Variants in CHD6 observed in about 807,000 individuals in gnomAD.
The protein encoded by CHD6 is chromodomain helicase DNA binding protein 6.
Under a neutral mutation model 276.9 loss-of-function variants are expected in CHD6, and 50 were observed. The observed-to-expected ratio is 0.18, with a 90% CI of 0.14 to 0.23. The LOEUF (loss-of-function observed/expected upper bound fraction) is 0.23. Ranked by LOEUF, CHD6 falls within the 10% of genes least tolerant of loss-of-function variation. The pLI is 1.00. For missense variants in CHD6, 2,564 were observed against 3,365.8 expected (o/e 0.76, Z 5.89); for synonymous variants, 1,173 against 1,229.3 (o/e 0.95, Z 0.96).
At chr20:41,511,263 C>G (rs1174125677) in intron 5 of CHD6, among the ~76,000 whole-genome samples, 1 of 152,214 alleles carries the variant, frequency 6.6e-6, no homozygotes, top group East Asian at 1.9e-4. Flanking sequence ...CTGCTCCATA[C>G]AGTGTGAATT....
At chr20:41,547,233 C>T (rs1188127539) in intron 2 of CHD6, among the ~76,000 whole-genome samples, 4 of 152,170 alleles carry the variant, frequency 2.6e-5, no homozygotes, top group Non-Finnish European at 4.4e-5. Flanking sequence ...CACTGACAAA[C>T]TAAATACCAA....
At chr20:41,546,672 T>C (rs1199481608) in intron 2 of CHD6, among the ~76,000 whole-genome samples, 9 of 152,216 alleles carry the variant, frequency 5.9e-5, no homozygotes, top group African/African-American at 9.6e-5. Context: ...TAGTGCCACA[T>C]AGGTTTTCAA....
chr20:41,541,309 C>T (rs746092538), intron 2 of CHD6, among the ~76,000 whole-genome samples: 6 of 152,174 alleles, frequency 3.9e-5, no homozygotes, highest in Non-Finnish European at 8.8e-5. Context: ...AGTCCAGGAA[C>T]GTTTCTATTT....
chr20:41,461,499 TGATGGGCTCATCAGGG>T (rs1024806326), intron 17 of CHD6, among the ~76,000 whole-genome samples: 3 of 152,214 alleles, frequency 2.0e-5, no homozygotes, highest in African/African-American at 7.2e-5. Context: ...TCATGAGATC[TGATGGGCTCATCAGGG>T]GTTTCTGCTT....
intron 1 of CHD6, among the ~76,000 whole-genome samples, chr20:41,584,283 A>C (rs1260469874): frequency 1.3e-5 from 2 of 152,168 alleles, no homozygotes; most frequent in African/African-American, 2.4e-5. Flanking sequence ...CATCGAAAAG[A>C]TATAACGATC....
At chr20:41,522,727 A>G (rs1855579774) in intron 3 of CHD6, among the ~76,000 whole-genome samples, 1 of 152,082 alleles carries the variant, frequency 6.6e-6, no homozygotes, top group South Asian at 2.1e-4. Flanking sequence ...ACATATATAC[A>G]CTTTAAAAAA....
chr20:41,444,763 A>G (rs937372739), intron 25 of CHD6, among the ~76,000 whole-genome samples: 10 of 152,216 alleles, frequency 6.6e-5, no homozygotes, highest in African/African-American at 2.4e-4. Flanking sequence ...TTAATGTAAT[A>G]TTTAATCTTT....
At chr20:41,432,459 T>C (rs2047575202) in intron 27 of CHD6, among the ~76,000 whole-genome samples, 1 of 151,942 alleles carries the variant, frequency 6.6e-6, no homozygotes, top group Admixed American at 6.6e-5. Context: ...AGTAATGAGG[T>C]TCCCCACCCC....
chr20:41,552,580 CTAAG>C (rs1250929792), intron 1 of CHD6, among the ~76,000 whole-genome samples: 2 of 152,160 alleles, frequency 1.3e-5, no homozygotes, highest in Admixed American at 1.3e-4. Context: ...AGTTCCAATT[CTAAG>C]TAAGTTCATG....
intron 5 of CHD6, among the ~76,000 whole-genome samples, chr20:41,505,843 G>A (rs972070316): frequency 6.6e-6 from 1 of 151,874 alleles, no homozygotes; most frequent in African/African-American, 2.4e-5. Context: ...ATCTCCACTT[G>A]AGTATCTCAG....
Position 41,421,808 on chromosome 20 carries a change from C to T in CHD6, c.4827G>A (p.Leu1609=). 1 of 1,614,176 alleles carries T rather than the reference C, an allele frequency of 6.2e-7. No homozygotes were observed. Among genetic ancestry groups the T allele is most frequent in the Admixed American group, 1.7e-5 (1 of 60,028 alleles). The change falls in exon 31 of 37, where the codon CTG becomes CTA. Residue 1609 remains leucine (L), a synonymous_variant. Transcript: ENST00000373233. ...GCTGGGCATAGTTTCTATAGGCATC[C>T]AGGAAGGACAGCTGGGGGTCGTTCA... ...YIMNDPQLSF[L]DAYRNYAQHK... is the part of the protein sequence containing the mutation.
At chr20:41,557,701 C>G (rs1022563105) in intron 1 of CHD6, among the ~76,000 whole-genome samples, 1 of 152,104 alleles carries the variant, frequency 6.6e-6, no homozygotes, top group Non-Finnish European at 1.5e-5. Context: ...CTACCAAGGT[C>G]CTTCATATTC....
chr20:41,487,571 C>T (rs746913421), intron 14 of CHD6, 94 bp downstream of exon 14: 2 of 1,247,778 alleles, frequency 1.6e-6, no homozygotes, highest in East Asian at 2.4e-5. Context: ...AGGAACGTGA[C>T]AACTTGCTAA....
At chr20:41,615,069 T>C (rs927520475) in intron 1 of CHD6, among the ~76,000 whole-genome samples, 2 of 152,176 alleles carry the variant, frequency 1.3e-5, no homozygotes, top group Non-Finnish European at 2.9e-5. Flanking sequence ...GCTTGAGCTT[T>C]TAAAAAAAAT....
chr20:41,552,849 A>G (rs1026541205), intron 1 of CHD6, among the ~76,000 whole-genome samples: 2 of 152,154 alleles, frequency 1.3e-5, no homozygotes. Flanking sequence ...ATCGGGTGCT[A>G]AGGTGAAGGG....
chr20:41,613,752 T>C (rs1428167541), intron 1 of CHD6, among the ~76,000 whole-genome samples: 5 of 152,176 alleles, frequency 3.3e-5, no homozygotes, highest in Non-Finnish European at 5.9e-5. Context: ...GGTATGGCGA[T>C]AGGGGTATGA....
At chr20:41,424,139 A>C (rs544361510) in intron 29 of CHD6, among the ~76,000 whole-genome samples, 4 of 152,184 alleles carry the variant, frequency 2.6e-5, no homozygotes, top group African/African-American at 4.8e-5. Context: ...CAGACCATTA[A>C]ATTCAACCTC....
chr20:41,597,575 G>A (rs995486446), intron 1 of CHD6, among the ~76,000 whole-genome samples: 2 of 151,950 alleles, frequency 1.3e-5, no homozygotes, highest in Admixed American at 6.6e-5. Flanking sequence ...TGCTCCTAAC[G>A]ACTGAAACAG....
intron 10 of CHD6, among the ~76,000 whole-genome samples, chr20:41,492,376 T>C (rs902817147): frequency 1.3e-5 from 2 of 152,230 alleles, no homozygotes; most frequent in African/African-American, 4.8e-5. Context: ...GAGACACCTC[T>C]ATCTACCTTT....
Sources: allele counts gnomAD v4.1 joint callset (sites outside exome capture counted in the v4.1 genomes callset), GRCh38; gene constraint gnomAD v4.1.1; transcripts MANE v1.5; gene names NCBI Gene and HGNC (gene_info 2026-07-23, HGNC 2026-07-21).